The following KLF17 variants were observed in gnomAD, a reference collection of about 807,000 sequenced individuals.
KLF17 encodes Krueppel-like factor 17.
Under a neutral mutation model 34.2 loss-of-function variants are expected in KLF17, and 31 were observed. The observed-to-expected ratio is 0.91, with a 90% CI of 0.68 to 1.22. The LOEUF (loss-of-function observed/expected upper bound fraction) is 1.22, where lower values mean the gene tolerates loss of function less well. Ranked by LOEUF, KLF17 falls within the 50% of genes most tolerant of loss-of-function variation. KLF17 has a pLI of 0.00. For missense variants in KLF17, 478 were observed against 505.2 expected, an observed-to-expected ratio of 0.95 and a Z score of 0.52; for synonymous variants, 179 against 186.7, an observed-to-expected ratio of 0.96 and a Z score of 0.34.
chr1:44,061,091 G>C, the KLF17 span: 2 of 152,188 alleles, frequency 1.3e-5, no homozygotes, highest in Non-Finnish European at 2.9e-5. Context: ...GCCCTTGCTT[G>C]TTTAACCTCT....
the KLF17 span, among the ~76,000 whole-genome samples, chr1:44,059,462 G>T: frequency 1.3e-5 from 2 of 152,066 alleles, no homozygotes; most frequent in East Asian, 3.8e-4. Context: ...TAGCCTCAGG[G>T]AATCATCTTC....
chr1:44,108,276 C>T, the KLF17 span, among the ~76,000 whole-genome samples: 3 of 152,194 alleles, frequency 2.0e-5, no homozygotes, highest in Non-Finnish European at 4.4e-5. Context: ...TAGAATCTCA[C>T]AAATTGTTTA....
At chr1:44,130,846 G>T in intron 3 of KLF17, 90 bp downstream of exon 3, 1 of 1,319,798 alleles carries the variant, frequency 7.6e-7, no homozygotes. Flanking sequence ...TCCCAGGCTG[G>T]AGTGCAGTGG....
the KLF17 span, among the ~76,000 whole-genome samples, chr1:44,089,656 A>G: frequency 6.6e-6 from 1 of 152,208 alleles, no homozygotes; most frequent in African/African-American, 2.4e-5. Context: ...TTTTGCAAAC[A>G]TAAAGAACCC....
intron 1 of KLF17, chr1:44,122,471 A>G: frequency 8.5e-7 from 1 of 1,172,322 alleles, no homozygotes. Context: ...CAATGGTTAC[A>G]GTTTCATGAC....
At chr1:44,060,915 G>C in the KLF17 span, among the ~76,000 whole-genome samples, 103 of 152,314 alleles carry the variant, frequency 6.8e-4, no homozygotes, top group African/African-American at 2.4e-3. Context: ...GGCAGTTGAA[G>C]TTAACATTCA....
the KLF17 span, among the ~76,000 whole-genome samples, chr1:44,081,004 C>T: frequency 6.6e-6 from 1 of 151,546 alleles, no homozygotes; most frequent in South Asian, 2.1e-4. Flanking sequence ...CAGAAACCAC[C>T]GCACCCCACC....
At chr1:44,108,797 C>T in the KLF17 span, among the ~76,000 whole-genome samples, 1 of 150,086 alleles carries the variant, frequency 6.7e-6, no homozygotes, top group Non-Finnish European at 1.5e-5. Flanking sequence ...TCCCAAGTAG[C>T]TGGGATTACA....
intron 1 of KLF17, among the ~76,000 whole-genome samples, chr1:44,127,668 T>TTC (rs796846137): frequency 2.9e-4 from 15 of 51,730 alleles, no homozygotes; most frequent in Non-Finnish European, 5.4e-4. Context: ...CTTTCTTTCT[T>TTC]TCTTTCTTTC....
chr1:44,128,856 T>C (rs1372743513), intron 1 of KLF17, among the ~76,000 whole-genome samples: 2 of 151,910 alleles, frequency 1.3e-5, no homozygotes, highest in Non-Finnish European at 2.9e-5. Flanking sequence ...CTACTAAAAA[T>C]ACAAAATTAG....
At chr1:44,102,338 G>A in the KLF17 span, among the ~76,000 whole-genome samples, 18 of 152,114 alleles carry the variant, frequency 1.2e-4, no homozygotes, top group South Asian at 2.9e-3. Flanking sequence ...GATCACTTGC[G>A]GTCAGGAGTT....
chr1:44,075,512 A>G, the KLF17 span, among the ~76,000 whole-genome samples: 4 of 152,316 alleles, frequency 2.6e-5, no homozygotes, highest in South Asian at 8.3e-4. Flanking sequence ...TCAAATACAA[A>G]TATTATTAGA....
At chr1:44,102,565 TACAC>T in the KLF17 span, among the ~76,000 whole-genome samples, 8,463 of 89,164 alleles carry the variant, frequency 0.095, 281 homozygotes, top group Non-Finnish European at 0.11. Context: ...CACATACACA[TACAC>T]ACACACACAC....
At chr1:44,122,136 A>C in intron 1 of KLF17, 1 of 1,459,504 alleles carries the variant, frequency 6.9e-7, no homozygotes, top group South Asian at 1.2e-5. Flanking sequence ...ACTTTGAAAC[A>C]GTAATCCTGA....
chr1:44,122,578 C>T lies in KLF17; in HGVS notation c.81+3590C>T, dbSNP rs2087960965. The T allele has an allele frequency of 6.7e-6, 5 of 747,274 alleles. No homozygotes were observed. In the Admixed American group the frequency reaches 1.0e-4, roughly 15 times the overall value. The allele number at this position is 747,274 out of a possible 1,614,324, so 46.3% of individuals were successfully genotyped here. ...AATCCAACAACCGAATACTGACCGACTGCAGTATGAATGGCCGTTTTTGGT... is the reference window on the plus strand; with the variant it reads ...AATCCAACAACCGAATACTGACCGATTGCAGTATGAATGGCCGTTTTTGGT... On this transcript the variant is annotated intron_variant, in intron 1 of 3. Coordinates refer to ENST00000372299, the MANE Select transcript of KLF17 (RefSeq NM_173484.4).
the KLF17 span, among the ~76,000 whole-genome samples, chr1:44,069,616 C>T: frequency 5.3e-5 from 8 of 152,250 alleles, no homozygotes; most frequent in East Asian, 1.9e-4. This position sits in a 1 kb window ranked among gnomAD's most constrained non-coding sequence, Gnocchi z 4.7. Flanking sequence ...ATGAGGGATC[C>T]GCCTCCGGGA....
chr1:44,045,947 G>A, the KLF17 span: 1 of 152,054 alleles, frequency 6.6e-6, no homozygotes, highest in African/African-American at 2.4e-5. Context: ...ACTAGGTAGT[G>A]TGTCAGATCT....
the KLF17 span, chr1:44,104,381 C>T: frequency 5.9e-5 from 61 of 1,041,656 alleles, no homozygotes; most frequent in Non-Finnish European, 8.4e-5. Context: ...TGCTCCCAGC[C>T]GTCTGCTGCT....
At chr1:44,049,748 G>T in the KLF17 span, among the ~76,000 whole-genome samples, 1 of 152,188 alleles carries the variant, frequency 6.6e-6, no homozygotes, top group African/African-American at 2.4e-5. Flanking sequence ...CTCCCAAAGG[G>T]TTGGAATTAC....
Sources: allele counts gnomAD v4.1 joint callset (sites outside exome capture counted in the v4.1 genomes callset), GRCh38; gene constraint gnomAD v4.1.1; non-coding constraint Gnocchi (gnomAD v3.1); transcripts MANE v1.5; gene names NCBI Gene and HGNC (gene_info 2026-07-23, HGNC 2026-07-21).